Variants in ITGA8 observed in about 807,000 individuals in gnomAD.
The protein encoded by ITGA8 is integrin subunit alpha 8, also known as integrin alpha-8.
A neutral mutation model predicts 142.3 loss-of-function variants in ITGA8; 91 were observed. The observed-to-expected ratio is 0.64, with a 90% CI of 0.54 to 0.76. The LOEUF is 0.76. Among genes scored for constraint, ITGA8 ranks in the 30% least tolerant of loss-of-function variants. ITGA8 has a pLI of 0.00. For missense variants in ITGA8, 1,406 were observed against 1,327.7 expected (o/e 1.06, Z -0.92); for synonymous variants, 505 against 485.2 (o/e 1.04, Z -0.54).
chr10:15,626,838 C>T (rs901840797), intron 13 of ITGA8, among the ~76,000 whole-genome samples: 1 of 152,106 alleles, frequency 6.6e-6, no homozygotes, highest in Admixed American at 6.5e-5. Flanking sequence ...GGAAACCAAC[C>T]CTGCTGACGC....
At chr10:15,665,639 T>C (rs562942118) in intron 8 of ITGA8, among the ~76,000 whole-genome samples, 2 of 152,358 alleles carry the variant, frequency 1.3e-5, no homozygotes, top group East Asian at 3.9e-4. Flanking sequence ...CTAGGGTTTT[T>C]ATGGTTTTAG....
At chr10:15,648,577 A>G (rs1834029525) in intron 11 of ITGA8, among the ~76,000 whole-genome samples, 1 of 151,784 alleles carries the variant, frequency 6.6e-6, no homozygotes, top group Non-Finnish European at 1.5e-5. Context: ...TATGTATAAA[A>G]ATATATCTTA....
chr10:15,596,768 T>C (rs572676624), intron 21 of ITGA8: 5 of 158,632 alleles, frequency 3.2e-5, no homozygotes, highest in African/African-American at 1.2e-4. Context: ...GAATCTCCCT[T>C]GAAAAGGGAA....
At position 15,587,238 on chromosome 10, in the gene ITGA8, A is replaced by G. The variant is rs150486660; in HGVS notation, c.2292-574T>C. Among the ~76,000 whole-genome samples, 562 of 152,298 alleles carry G rather than the reference A, an allele frequency of 3.7e-3. 6 individuals carry two copies. The highest frequency in any genetic ancestry group is 0.013 in the African/African-American group (543 of 41,584). Reference sequence around the variant, plus strand: ...GCCCAGCCAAAACTAACACTTTTTTAAATGGCTAAACCAAAAATGTATTGA... The same window carrying G: ...GCCCAGCCAAAACTAACACTTTTTTGAATGGCTAAACCAAAAATGTATTGA... On this transcript the variant is annotated intron_variant, in intron 22 of 29. Coordinates refer to ENST00000378076, the MANE Select transcript of ITGA8 (RefSeq NM_003638.3).
intron 13 of ITGA8, among the ~76,000 whole-genome samples, chr10:15,622,612 AC>A (rs1250910871): frequency 7.6e-5 from 10 of 131,860 alleles, no homozygotes; most frequent in African/African-American, 2.6e-4. Context: ...CAAAAAAAAA[AC>A]CACATGAGCA....
At chr10:15,530,925 T>C (rs531245976) in intron 28 of ITGA8, 125 bp downstream of exon 28, 1 of 558,086 alleles carries the variant, frequency 1.8e-6, no homozygotes, top group South Asian at 2.9e-5. Flanking sequence ...AAGAAATTGG[T>C]GAGCTGAAGA....
At chr10:15,634,393 C>A (rs1833735736) in intron 13 of ITGA8, among the ~76,000 whole-genome samples, 1 of 151,592 alleles carries the variant, frequency 6.6e-6, no homozygotes, top group African/African-American at 2.4e-5. Context: ...CCTCCAAAAC[C>A]CAACTTTAAA....
intron 2 of ITGA8, among the ~76,000 whole-genome samples, chr10:15,709,253 C>T (rs1201113447): frequency 6.6e-6 from 1 of 152,210 alleles, no homozygotes; most frequent in Non-Finnish European, 1.5e-5. Flanking sequence ...GCTGCTCCAG[C>T]TTTCATTCTG....
At chr10:15,589,959 C>T (rs1218510315) in intron 22 of ITGA8, among the ~76,000 whole-genome samples, 1 of 152,076 alleles carries the variant, frequency 6.6e-6, no homozygotes, top group Admixed American at 6.6e-5. Flanking sequence ...GAAAAGGTTT[C>T]ACCATGTTGG....
intron 21 of ITGA8, among the ~76,000 whole-genome samples, chr10:15,595,087 G>A (rs1029422680): frequency 6.6e-6 from 1 of 151,982 alleles, no homozygotes; most frequent in African/African-American, 2.4e-5. Flanking sequence ...GAATCTTATT[G>A]GCATGTAAAC....
Position 15,597,289 on chromosome 10 carries a change from G to C in ITGA8, c.2129C>G (p.Pro710Arg). The C allele has an allele frequency of 6.2e-7, 1 of 1,613,762 alleles. No homozygotes were observed. The highest frequency in any genetic ancestry group is 8.5e-7 in the Non-Finnish European group (1 of 1,179,734). ...TTCCATCTTGTACTCACAGCTCAGTGGTCGAAATCCCTACAATTGCAAAGA... is the reference window on the plus strand; with the variant it reads ...TTCCATCTTGTACTCACAGCTCAGTCGTCGAAATCCCTACAATTGCAAAGA... ...GIERNNKGFRPLSCEYKMENV... is the reference protein window; with the variant it reads ...GIERNNKGFRRLSCEYKMENV... Residue 710 changes from proline (P) to arginine (R), a missense_variant, in exon 21 of 30, where the codon CCA becomes CGA. By Grantham distance (103) the Pro-to-Arg change is moderately radical. Coordinates refer to ENST00000378076, the MANE Select transcript of ITGA8 (RefSeq NM_003638.3).
intron 2 of ITGA8, among the ~76,000 whole-genome samples, chr10:15,713,319 G>A (rs1835394374): frequency 6.6e-6 from 1 of 152,116 alleles, no homozygotes; most frequent in African/African-American, 2.4e-5. Context: ...CAAATATTGT[G>A]GTGTGTGCTT....
At chr10:15,636,798 G>A (rs147774624) in intron 13 of ITGA8, among the ~76,000 whole-genome samples, 149 of 152,286 alleles carry the variant, frequency 9.8e-4, no homozygotes, top group Admixed American at 2.7e-3. Context: ...TGGCTAAGGG[G>A]CAGCGAGGGA....
chr10:15,594,046 T>G (rs10906934), intron 21 of ITGA8, among the ~76,000 whole-genome samples: 144,471 of 151,796 alleles, frequency 0.95, 69,143 homozygotes, highest in East Asian at 1. Context: ...TTCATCTTGT[T>G]GGCCAGGCTG....
chr10:15,719,566 C>T lies in ITGA8; in HGVS notation c.206G>A (p.Arg69His), dbSNP rs770127260. The change falls in exon 1 of 30, where the codon CGC (arginine) becomes CAC (histidine). Residue 69 changes from arginine to histidine, a missense_variant. Coordinates refer to ENST00000378076, the MANE Select transcript of ITGA8 (RefSeq NM_003638.3). Reference sequence around the variant, plus strand: ...CTCCCCGGGTCGGGCGACTTACGTGCGGGCGTCGGGTATGTGGAAGTCCAC... The same window carrying T: ...CTCCCCGGGTCGGGCGACTTACGTGTGGGCGTCGGGTATGTGGAAGTCCAC... ...YAVDFHIPDA[R>H]TASVLVGAPK... 12 of 1,560,874 alleles carry T rather than the reference C, an allele frequency of 7.7e-6. No homozygotes were observed. Among genetic ancestry groups the T allele is most frequent in the East Asian group, 2.5e-5 (1 of 39,800 alleles).
At chr10:15,621,576 A>G (rs1011806216) in intron 13 of ITGA8, among the ~76,000 whole-genome samples, 1 of 152,220 alleles carries the variant, frequency 6.6e-6, no homozygotes, top group Admixed American at 6.5e-5. Flanking sequence ...ATTTGAAAAC[A>G]TCAGCTTTGT....
At chr10:15,559,761 G>A (rs1036037951) in intron 25 of ITGA8, among the ~76,000 whole-genome samples, 5 of 146,354 alleles carry the variant, frequency 3.4e-5, no homozygotes, top group African/African-American at 1.3e-4. Flanking sequence ...CTTATAAGTG[G>A]GAGTTGAACA....
intron 11 of ITGA8, among the ~76,000 whole-genome samples, chr10:15,653,713 G>A (rs897297274): frequency 6.6e-6 from 1 of 152,156 alleles, no homozygotes; most frequent in African/African-American, 2.4e-5. Flanking sequence ...CCATAGTGGT[G>A]CCTCTTCCAG....
chr10:15,590,622 G>A (rs1461190006), intron 22 of ITGA8, among the ~76,000 whole-genome samples: 3 of 152,078 alleles, frequency 2.0e-5, no homozygotes, highest in Non-Finnish European at 2.9e-5. Flanking sequence ...TTGCCATGAC[G>A]TGTTTTGTTT....
Sources: allele counts gnomAD v4.1 joint callset (sites outside exome capture counted in the v4.1 genomes callset), GRCh38; gene constraint gnomAD v4.1.1; transcripts MANE v1.5; gene names NCBI Gene and HGNC (gene_info 2026-07-23, HGNC 2026-07-21).